Variants in WWP2 observed in about 807,000 individuals in gnomAD.
WWP2 encodes NEDD4-like E3 ubiquitin-protein ligase WWP2.
WWP2 carries 57 observed loss-of-function variants against 121.0 expected under a neutral mutation model. The ratio of observed to expected loss-of-function variants is 0.47; its 90% confidence interval spans 0.38 to 0.59. WWP2 has a LOEUF of 0.59. Among genes scored for constraint, WWP2 ranks in the 20% least tolerant of loss-of-function variants. WWP2 has a pLI of 0.00. For synonymous variants in WWP2, 449 were observed against 441.3 expected, an observed-to-expected ratio of 1.02 and a Z score of -0.22; for missense variants, 962 against 1,158.9, an observed-to-expected ratio of 0.83 and a Z score of 2.47.
rs2058780085 is a variant in WWP2, at chr16:69,935,298, G to T, written c.1843-555G>T. On this transcript the variant is annotated intron_variant, in intron 17 of 23. Transcript: ENST00000359154. The surrounding 1 kb of genome is among the most constrained non-coding windows in gnomAD (Gnocchi z 5.2). Reference sequence around the variant, plus strand: ...CATCGTCGAGGAGTTCTTGGCCAAGGTGCTGGGCTCTGGAAATGGGCACAT... The same window carrying T: ...CATCGTCGAGGAGTTCTTGGCCAAGTTGCTGGGCTCTGGAAATGGGCACAT... Among the ~76,000 whole-genome samples, 1 of 152,190 alleles carries T rather than the reference G, an allele frequency of 6.6e-6. No homozygotes were observed. The highest frequency in any genetic ancestry group is 2.4e-5 in the African/African-American group (1 of 41,448).
rs544471484 is a variant in WWP2 at position 69,888,170 on chromosome 16, G to A, written c.835G>A (p.Ala279Thr). ...TTSLPAPATP[A>T]EGEEPSTSGT... Reference sequence around the variant, plus strand: ...TTCTCTCCCTGCCCCAGCCACACCGGCTGAAGGAGAGGAACCCAGCACTTC... The same window carrying A: ...TTCTCTCCCTGCCCCAGCCACACCGACTGAAGGAGAGGAACCCAGCACTTC... The change falls in exon 8 of 24, where the codon GCT (alanine) becomes ACT (threonine). Residue 279 changes from alanine to threonine, a missense_variant. Ala to Thr is a moderately conservative substitution (Grantham distance 58). This residue lies in a region of WWP2 where 211 missense variants were observed against 196.5 expected (regional missense o/e 1.07). Transcript: ENST00000359154. 2.4e-5 allele frequency: 39 copies of A among 1,614,182 alleles called. No individual in the cohort carries two copies. In the South Asian group the frequency reaches 3.6e-4, roughly 15 times the overall value.
At chr16:69,782,166 C>T (rs1033755479) in intron 1 of WWP2, among the ~76,000 whole-genome samples, 2 of 152,022 alleles carry the variant, frequency 1.3e-5, no homozygotes, top group African/African-American at 4.8e-5. Context: ...GCCTGTAATC[C>T]CAGCTACCAG....
intron 6 of WWP2, among the ~76,000 whole-genome samples, chr16:69,859,122 T>C (rs767927042): frequency 4.6e-5 from 7 of 152,226 alleles, no homozygotes; most frequent in African/African-American, 1.7e-4. Context: ...CAACACCATT[T>C]ATTAGCTCAC....
intron 4 of WWP2, among the ~76,000 whole-genome samples, chr16:69,834,994 A>G (rs1399029254): frequency 2.0e-5 from 3 of 152,180 alleles, no homozygotes; most frequent in Non-Finnish European, 4.4e-5. Flanking sequence ...GTAGGTGCTC[A>G]AGGCACGGAT....
intron 1 of WWP2, 52 bp from the exon 2 acceptor site, chr16:69,786,942 CCT>C: frequency 6.8e-7 from 1 of 1,471,204 alleles, no homozygotes; most frequent in Non-Finnish European, 9.3e-7. Flanking sequence ...GAGTTAAACT[CCT>C]CTGTCTTCTT....
Position 69,935,946 on chromosome 16 carries a change from T to C in WWP2, c.1936T>C (p.Ser646Pro), listed in dbSNP as rs2058791064. 1 of 1,613,426 alleles carries C rather than the reference T, an allele frequency of 6.2e-7. No homozygotes were observed. Among genetic ancestry groups the C allele is most frequent in the Non-Finnish European group, 8.5e-7 (1 of 1,179,820 alleles). The change falls in exon 18 of 24, where the codon TCC (serine) becomes CCC (proline). Residue 646 changes from serine to proline, a missense_variant. Ser to Pro is a moderately conservative substitution (Grantham distance 74). Around this residue, in one of 3 missense-constraint regions of WWP2, gnomAD observed 606 missense variants for 772.6 expected, o/e 0.78. Coordinates refer to ENST00000359154, the MANE Select transcript of WWP2 (RefSeq NM_001270454.2). The surrounding 1 kb of genome is among the most constrained non-coding windows in gnomAD (Gnocchi z 5.2). ...NKRPTLKDLE[S>P]IDPEFYNSIV... is the part of the protein sequence containing the mutation. ...GAGACCAACCCTGAAAGACCTGGAG[T>C]CCATTGACCCTGAGTTCTACAACTC...
At chr16:69,851,700 G>T (rs1319392505) in intron 6 of WWP2, among the ~76,000 whole-genome samples, 2 of 152,048 alleles carry the variant, frequency 1.3e-5, no homozygotes, top group Non-Finnish European at 2.9e-5. Context: ...TTTCAACTCG[G>T]TCGGGAACGG....
chr16:69,767,892 C>T (rs947977711), intron 1 of WWP2, among the ~76,000 whole-genome samples: 1 of 152,206 alleles, frequency 6.6e-6, no homozygotes, highest in Non-Finnish European at 1.5e-5. Flanking sequence ...GGCTGAAGTA[C>T]AGTGGCATGA....
In WWP2 at chr16:69,925,165, C is replaced by T. The variant is rs940003519; in HGVS notation, c.1180-265C>T. 1.6e-5 allele frequency: 20 copies of T among 1,255,040 alleles called. No homozygotes were observed. Among genetic ancestry groups the T allele is most frequent in the South Asian group, 2.1e-5 (1 of 47,234 alleles). 77.7% of individuals were successfully genotyped at this position (1,255,040 alleles called of 1,614,324 possible). On this transcript the variant is annotated intron_variant, in intron 10 of 23. Transcript: ENST00000359154. This position sits in a 1 kb window ranked among gnomAD's most constrained non-coding sequence, Gnocchi z 4.0. ...CCCTGGCACACCTTCACCCGCGTAC[C>T]GCCTCCTCCCCGTCGCTCTGCCTTT...
intron 1 of WWP2, among the ~76,000 whole-genome samples, chr16:69,780,269 TC>T (rs1326909198): frequency 2.0e-5 from 3 of 152,000 alleles, no homozygotes; most frequent in Non-Finnish European, 2.9e-5. Flanking sequence ...TTTTTTTTTT[TC>T]CCCTCTTGGC....
At chr16:69,800,992 C>G (rs1414328061) in intron 4 of WWP2, among the ~76,000 whole-genome samples, 2 of 148,418 alleles carry the variant, frequency 1.3e-5, no homozygotes, top group African/African-American at 4.9e-5. Flanking sequence ...TCGTGACCAG[C>G]CTGGCCAATA....
At chr16:69,772,028 C>G (rs1312573099) in intron 1 of WWP2, among the ~76,000 whole-genome samples, 2 of 120,878 alleles carry the variant, frequency 1.7e-5, no homozygotes, top group African/African-American at 6.4e-5. Flanking sequence ...ATGGTGTGAT[C>G]TTAGCTCACC....
intron 4 of WWP2, among the ~76,000 whole-genome samples, chr16:69,839,855 A>G (rs1321240746): frequency 6.6e-6 from 1 of 152,212 alleles, no homozygotes; most frequent in Non-Finnish European, 1.5e-5. Flanking sequence ...AAACAAACTA[A>G]TACATCAGTA....
chr16:69,916,637 C>T (rs113443102), intron 9 of WWP2, among the ~76,000 whole-genome samples: 2 of 152,012 alleles, frequency 1.3e-5, no homozygotes, highest in Non-Finnish European at 1.5e-5. Context: ...TTGATAGCAG[C>T]GGGAATGATG....
Position 69,903,916 on chromosome 16 carries a change from T to C in WWP2, c.915-4845T>C, listed in dbSNP as rs1288642931. ...AGTGACTGAAAAATGAGCGTACTAGTATTAGGGCTTTTGTGCCACAAAACT... is the reference window on the plus strand; with the variant it reads ...AGTGACTGAAAAATGAGCGTACTAGCATTAGGGCTTTTGTGCCACAAAACT... On this transcript the variant is annotated intron_variant, in intron 8 of 23. Coordinates refer to ENST00000359154, the MANE Select transcript of WWP2 (RefSeq NM_001270454.2). Among the ~76,000 whole-genome samples, 3 of 152,188 alleles carry C rather than the reference T, an allele frequency of 2.0e-5. No individual in the cohort carries two copies. In the East Asian group the frequency reaches 5.8e-4, roughly 29 times the overall value.
intron 1 of WWP2, among the ~76,000 whole-genome samples, chr16:69,762,636 G>T (rs1374432467): frequency 6.6e-6 from 1 of 152,024 alleles, no homozygotes; most frequent in Non-Finnish European, 1.5e-5. Context: ...TGCCCCGGCC[G>T]CCAAGGGTGC....
At chr16:69,801,475 T>C (rs2056165470) in intron 4 of WWP2, among the ~76,000 whole-genome samples, 1 of 152,102 alleles carries the variant, frequency 6.6e-6, no homozygotes, top group Non-Finnish European at 1.5e-5. Flanking sequence ...GCTCAAGTGA[T>C]CCGCCTGCCT....
rs755200869 is a variant in WWP2, at chr16:69,934,166, C to A, written c.1842+37C>A. 3 of 1,606,786 alleles carry A rather than the reference C, an allele frequency of 1.9e-6. 1 individual carries two copies. The highest frequency in any genetic ancestry group is 4.5e-5 in the East Asian group (2 of 44,764). On this transcript the variant is annotated intron_variant, in intron 17 of 23. Coordinates refer to ENST00000359154, the MANE Select transcript of WWP2 (RefSeq NM_001270454.2). ...CCAGGGGTCTGCCTAGTTCCCTCCT[C>A]CTCTCCCTCCTCTTCCCTCTCCTGG... is the stretch of plus-strand genomic sequence containing the variant.
intron 7 of WWP2, among the ~76,000 whole-genome samples, chr16:69,884,052 A>G (rs2057879231): frequency 6.6e-6 from 1 of 152,206 alleles, no homozygotes; most frequent in Non-Finnish European, 1.5e-5. Context: ...GCTCACCTTC[A>G]GTTTCCTCCT....
Sources: gnomAD v4.1 joint callset for allele counts (sites outside exome capture counted in the v4.1 genomes callset) on GRCh38, gnomAD v4.1.1 for gene constraint, gnomAD v4.1.1 regional missense constraint, Gnocchi (gnomAD v3.1) non-coding constraint, MANE v1.5 for transcripts, NCBI Gene and HGNC (gene_info 2026-07-23, HGNC 2026-07-21) for gene names.